PCID2: variants seen among roughly 807,000 people sequenced by gnomAD.
PCID2 encodes PCI domain containing 2, also known as PCI domain-containing protein 2.
Under a neutral mutation model 61.3 loss-of-function variants are expected in PCID2, and 41 were observed. That is an observed-to-expected ratio of 0.67 (90% CI 0.52 to 0.87). The LOEUF (loss-of-function observed/expected upper bound fraction) is 0.87, where lower values mean the gene tolerates loss of function less well. Among genes scored for constraint, PCID2 ranks in the 40% least tolerant of loss-of-function variants. The pLI is 0.00. For synonymous variants in PCID2, 187 were observed against 177.8 expected (o/e 1.05, Z -0.41); for missense variants, 392 against 493.4 (o/e 0.79, Z 1.95).
At chr13:113,208,296 G>A in intron 1 of PCID2, 1 of 1,431,620 alleles carries the variant, frequency 7.0e-7, no homozygotes, top group Non-Finnish European at 9.1e-7. Flanking sequence ...CTGGGAGCGC[G>A]GCCACACGTG....
chr13:113,170,874 G>C, the PCID2 span, among the ~76,000 whole-genome samples: 2 of 151,684 alleles, frequency 1.3e-5, no homozygotes, highest in Non-Finnish European at 2.9e-5. Context: ...CAGCAGTTGA[G>C]ACCTCAGGCT....
chr13:113,174,376 AG>A (rs2037159063), downstream of PCID2, among the ~76,000 whole-genome samples: 5 of 152,214 alleles, frequency 3.3e-5, no homozygotes. Context: ...CAGAGACATG[AG>A]GGGCCTTCAA....
intron 7 of PCID2, chr13:113,185,958 G>A (rs2038071949): frequency 6.0e-6 from 1 of 165,410 alleles, no homozygotes; most frequent in South Asian, 1.6e-4. Context: ...GGCTGAGGCA[G>A]GAGAATCACT....
Position 113,200,840 on chromosome 13 carries a change from T to C in PCID2, c.37-324A>G, listed in dbSNP as rs566201302. 3.7e-4 allele frequency among the ~76,000 whole-genome samples: 57 copies of C among 152,136 alleles called. 1 individual carries two copies. Among genetic ancestry groups the C allele is most frequent in the Middle Eastern group, 3.4e-3 (1 of 294 alleles). The stretch of plus-strand genomic sequence containing the variant: ...GCTCAGGCCTGTAATCCCAGCACTT[T>C]GTGAGGCTGAGGAAGGACTGCTTGA... On this transcript the variant is annotated intron_variant, in intron 1 of 13. Transcript: ENST00000337344.
At chr13:113,176,582 GCAA>G, downstream of PCID2, among the ~76,000 whole-genome samples, 2 of 152,392 alleles carry the variant, frequency 1.3e-5, no homozygotes, top group East Asian at 1.9e-4. Flanking sequence ...TGCAATATTA[GCAA>G]GACGCTGTCT....
the PCID2 span, among the ~76,000 whole-genome samples, chr13:113,169,416 A>G: frequency 1.3e-5 from 2 of 152,122 alleles, no homozygotes; most frequent in Non-Finnish European, 2.9e-5. Flanking sequence ...GTGCTGACTC[A>G]GTTTTGGGAT....
rs201723789 is a variant in PCID2 at position 113,184,497 on chromosome 13, A to G, written c.544-10T>C. 3.3e-6 allele frequency: 5 copies of G among 1,498,446 alleles called. No homozygotes were observed. The highest frequency in any genetic ancestry group is 2.3e-5 in the East Asian group (1 of 44,260). 92.8% of individuals were successfully genotyped at this position (1,498,446 alleles called of 1,614,324 possible). A position where few individuals can be genotyped will look rare whatever the true frequency, so the allele number is the denominator to read the frequency against. On this transcript the variant is annotated splice_polypyrimidine_tract_variant and intron_variant, in intron 8 of 13. Coordinates refer to ENST00000337344, the MANE Select transcript of PCID2 (RefSeq NM_001127202.4). ...AATGGAGTTTGTTGATCTATAATGA[A>G]TAACAATCCATTTAAAATATTTAAA...
intron 3 of PCID2, 76 bp from the exon 4 acceptor site, chr13:113,197,319 A>G (rs9549356): frequency 0.22 from 218,274 of 999,074 alleles, 26,990 homozygotes; most frequent in South Asian, 0.4. Flanking sequence ...AGCTCACTTC[A>G]TTGCACAGGT....
At chr13:113,202,371 A>C (rs1029540615) in intron 1 of PCID2, among the ~76,000 whole-genome samples, 1 of 152,224 alleles carries the variant, frequency 6.6e-6, no homozygotes, top group African/African-American at 2.4e-5. Flanking sequence ...ACATGCATTT[A>C]CATTTTGAAA....
intron 2 of PCID2, among the ~76,000 whole-genome samples, chr13:113,200,215 C>G (rs1254965257): frequency 2.6e-5 from 4 of 152,242 alleles, no homozygotes; most frequent in Admixed American, 2.6e-4. Flanking sequence ...GAATCAAACA[C>G]AAGGGCAGGA....
At chr13:113,171,685 C>A in the PCID2 span, 1 of 1,613,928 alleles carries the variant, frequency 6.2e-7, no homozygotes, top group Non-Finnish European at 8.5e-7. The surrounding 1 kb of genome is among the most constrained non-coding windows in gnomAD (Gnocchi z 5.1). Context: ...GGGAGAATGA[C>A]CTGTCACTGC....
At chr13:113,185,621 A>T (rs1050062713) in intron 7 of PCID2, 61 bp from the exon 8 acceptor site, 11 of 1,079,154 alleles carry the variant, frequency 1.0e-5, no homozygotes, top group Non-Finnish European at 1.5e-5. Flanking sequence ...TATAAATCAC[A>T]AAATAAACTG....
chr13:113,182,477 C>A (rs941444095), intron 9 of PCID2, among the ~76,000 whole-genome samples: 4 of 152,200 alleles, frequency 2.6e-5, no homozygotes, highest in Non-Finnish European at 5.9e-5. Flanking sequence ...ATCTCAAATT[C>A]TCCTGGATGT....
downstream of PCID2, among the ~76,000 whole-genome samples, chr13:113,175,989 T>A (rs993998240): frequency 6.6e-6 from 1 of 152,212 alleles, no homozygotes; most frequent in African/African-American, 2.4e-5. Flanking sequence ...AAGAGGCCCA[T>A]TCGGGCCCCA....
the PCID2 span, among the ~76,000 whole-genome samples, chr13:113,167,672 T>A: frequency 2.0e-5 from 3 of 152,218 alleles, no homozygotes; most frequent in Non-Finnish European, 2.9e-5. Context: ...AGTGCATGTT[T>A]AAAAAATAAA....
At chr13:113,172,014 TGGGCTC>T in the PCID2 span, 70 of 1,613,044 alleles carry the variant, frequency 4.3e-5, no homozygotes, top group Non-Finnish European at 5.8e-5. Context: ...ACGGGGGTCC[TGGGCTC>T]GCAGCCAGTA....
chr13:113,174,774 A>ACGTCCAGC (rs1351804794), downstream of PCID2, among the ~76,000 whole-genome samples: 3 of 152,244 alleles, frequency 2.0e-5, no homozygotes, highest in Non-Finnish European at 4.4e-5. Context: ...GTGAGCCACC[A>ACGTCCAGC]CGTCCAGCCT....
chr13:113,181,896 C>T (rs1294006529), intron 9 of PCID2, among the ~76,000 whole-genome samples: 2 of 152,192 alleles, frequency 1.3e-5, no homozygotes, highest in African/African-American at 4.8e-5. Flanking sequence ...CACATGCTAA[C>T]AAGGAACTCT....
chr13:113,204,462 T>C (rs939199275), intron 1 of PCID2, among the ~76,000 whole-genome samples: 4 of 152,308 alleles, frequency 2.6e-5, no homozygotes, highest in Non-Finnish European at 2.9e-5. Flanking sequence ...CGGAGACCCC[T>C]GCTGGGGGCA....
Sources: gnomAD v4.1 joint callset for allele counts (sites outside exome capture counted in the v4.1 genomes callset) on GRCh38, gnomAD v4.1.1 for gene constraint, Gnocchi (gnomAD v3.1) non-coding constraint, MANE v1.5 for transcripts, NCBI Gene and HGNC (gene_info 2026-07-23, HGNC 2026-07-21) for gene names.